ZRANB1: variants seen among roughly 807,000 people sequenced by gnomAD.
The protein encoded by ZRANB1 is zinc finger RANBP2-type containing 1, also known as ubiquitin thioesterase ZRANB1.
In ZRANB1, 16 loss-of-function variants were observed where a neutral mutation model predicts 80.5. That is an observed-to-expected ratio of 0.20 (90% CI 0.13 to 0.30). ZRANB1 has a LOEUF of 0.30. ZRANB1 is among the 10% of genes least tolerant of loss of function. The pLI is 1.00. For synonymous variants in ZRANB1, 291 were observed against 293.1 expected (o/e 0.99, Z 0.07); for missense variants, 576 against 862.6 (o/e 0.67, Z 4.16).
intron 1 of ZRANB1, among the ~76,000 whole-genome samples, chr10:124,955,056 G>A (rs1450592839): frequency 6.6e-6 from 1 of 151,240 alleles, no homozygotes; most frequent in Non-Finnish European, 1.5e-5. Flanking sequence ...GTGAACCCGG[G>A]AGGTGGAGCT....
At chr10:124,919,342 C>T in the ZRANB1 span, among the ~76,000 whole-genome samples, 1 of 152,004 alleles carries the variant, frequency 6.6e-6, no homozygotes, top group African/African-American at 2.4e-5. Context: ...GTCAGTAGTT[C>T]GAGACCAGCC....
the ZRANB1 span, among the ~76,000 whole-genome samples, chr10:124,928,371 CCTT>C: frequency 6.6e-6 from 1 of 152,176 alleles, no homozygotes; most frequent in African/African-American, 2.4e-5. Context: ...GGAGTGATCT[CCTT>C]AAGTGTGGAT....
the ZRANB1 span, among the ~76,000 whole-genome samples, chr10:124,929,940 G>C: frequency 1.0e-5 from 1 of 100,190 alleles, no homozygotes. Context: ...GCGAGACTCT[G>C]TCTCAAAAAA....
intron 4 of ZRANB1, among the ~76,000 whole-genome samples, chr10:124,973,932 T>C (rs1244613723): frequency 1.3e-5 from 2 of 152,236 alleles, no homozygotes; most frequent in Non-Finnish European, 1.5e-5. Flanking sequence ...GTTCTCCGCT[T>C]CCTGTTCCAG....
At chr10:124,928,078 C>T in the ZRANB1 span, among the ~76,000 whole-genome samples, 3 of 152,048 alleles carry the variant, frequency 2.0e-5, no homozygotes, top group South Asian at 6.2e-4. Flanking sequence ...TATTCAGTAA[C>T]ATGAGATTGG....
chr10:124,929,714 G>A, the ZRANB1 span, among the ~76,000 whole-genome samples: 3 of 151,652 alleles, frequency 2.0e-5, no homozygotes, highest in Non-Finnish European at 2.9e-5. Context: ...GTGGGAGGCC[G>A]AGGCGGGTGG....
chr10:124,965,733 C>T (rs988183629), intron 1 of ZRANB1, among the ~76,000 whole-genome samples: 1 of 152,108 alleles, frequency 6.6e-6, no homozygotes, highest in African/African-American at 2.4e-5. Context: ...GTTTTAAACA[C>T]TTTTTGTGGT....
chr10:124,918,955 G>C, the ZRANB1 span, among the ~76,000 whole-genome samples: 4 of 152,016 alleles, frequency 2.6e-5, no homozygotes, highest in Non-Finnish European at 5.9e-5. Flanking sequence ...TTGCTGTTTC[G>C]ATACCTTTTA....
At position 124,986,291 on chromosome 10, in the gene ZRANB1, G is replaced by GCACACACACACACA. The variant is rs58255988; in HGVS notation, c.*1318_*1331dup. On this transcript the variant is annotated 3_prime_UTR_variant, in exon 9 of 9. Transcript: ENST00000359653. ...AGACGACACACGCACGCGCGCGCGC[G>GCACACACACACACA]CACACACACACACACACACACACAC... is the stretch of plus-strand genomic sequence containing the variant. 47 of 116,018 alleles carry GCACACACACACACA rather than the reference G, an allele frequency of 4.1e-4. No homozygotes were observed. Among genetic ancestry groups the GCACACACACACACA allele is most frequent in the African/African-American group, 1.5e-3 (47 of 30,494 alleles). 7.2% of individuals were successfully genotyped at this position (116,018 alleles called of 1,614,324 possible). A position where few individuals can be genotyped will look rare whatever the true frequency, so the allele number is the denominator to read the frequency against.
chr10:124,939,852 A>G (rs546171541), upstream of ZRANB1, among the ~76,000 whole-genome samples: 4 of 152,268 alleles, frequency 2.6e-5, no homozygotes, highest in Admixed American at 2.0e-4. Flanking sequence ...CTGGATGGTT[A>G]TATCATTATA....
At chr10:124,947,672 A>G (rs959153387) in intron 1 of ZRANB1, among the ~76,000 whole-genome samples, 1 of 152,138 alleles carries the variant, frequency 6.6e-6, no homozygotes, top group Admixed American at 6.6e-5. Flanking sequence ...ATTTTTTCCC[A>G]GGCTCTCATC....
upstream of ZRANB1, among the ~76,000 whole-genome samples, chr10:124,941,224 T>C (rs201124310): frequency 6.6e-5 from 10 of 152,310 alleles, no homozygotes; most frequent in East Asian, 1.5e-3. Flanking sequence ...AAATTTGTTA[T>C]GTAAGTTGCT....
At chr10:124,941,803 C>G (rs1418914236), upstream of ZRANB1, among the ~76,000 whole-genome samples, 1 of 152,038 alleles carries the variant, frequency 6.6e-6, no homozygotes, top group Non-Finnish European at 1.5e-5. Flanking sequence ...TTTTTTTACT[C>G]CAGATAGAAC....
chr10:124,970,540 G>C (rs1401009504), intron 2 of ZRANB1, among the ~76,000 whole-genome samples: 3 of 152,188 alleles, frequency 2.0e-5, no homozygotes, highest in Non-Finnish European at 4.4e-5. Context: ...GGGATTACAG[G>C]TGTGAGCCAC....
rs570770550 is a variant in ZRANB1, at chr10:124,952,604, CAAAT to C, written c.814+9300_814+9303del. Among the ~76,000 whole-genome samples the C allele has an allele frequency of 1.2e-4, 18 of 151,444 alleles. No individual in the cohort carries two copies. In the East Asian group the frequency reaches 2.5e-3, roughly 21 times the overall value. ...TTAATACAAATAGCTTTTTTAAAAA[CAAAT>C]AATATCTTTTTTTTTTTGGAGATGG... is the stretch of plus-strand genomic sequence containing the variant. On this transcript the variant is annotated intron_variant, in intron 1 of 8. Transcript: ENST00000359653.
At chr10:124,982,574 C>T (rs1018035629) in intron 6 of ZRANB1, among the ~76,000 whole-genome samples, 1 of 152,060 alleles carries the variant, frequency 6.6e-6, no homozygotes. Flanking sequence ...AATATATATA[C>T]AACTACTCCT....
chr10:124,928,710 A>G, the ZRANB1 span, among the ~76,000 whole-genome samples: 9 of 152,224 alleles, frequency 5.9e-5, no homozygotes, highest in East Asian at 1.7e-3. Flanking sequence ...ATTGTGTTCT[A>G]TTTACGCTCT....
intron 1 of ZRANB1, among the ~76,000 whole-genome samples, chr10:124,953,551 C>G (rs891976759): frequency 1.3e-5 from 2 of 152,154 alleles, no homozygotes; most frequent in Non-Finnish European, 2.9e-5. Flanking sequence ...CTGCTACTTG[C>G]TAATATTTTA....
chr10:124,941,813 C>CTAGA (rs542326603), upstream of ZRANB1, among the ~76,000 whole-genome samples: 823 of 152,170 alleles, frequency 5.4e-3, 4 homozygotes, highest in Non-Finnish European at 8.9e-3. Context: ...CCAGATAGAA[C>CTAGA]TAGATTTTGA....
Sources: allele counts gnomAD v4.1 joint callset (sites outside exome capture counted in the v4.1 genomes callset), GRCh38; gene constraint gnomAD v4.1.1; transcripts MANE v1.5; gene names NCBI Gene and HGNC (gene_info 2026-07-23, HGNC 2026-07-21).